Variants in TSPAN5 observed in about 807,000 individuals in gnomAD.
TSPAN5 encodes the protein tetraspanin 5.
A neutral mutation model predicts 37.1 loss-of-function variants in TSPAN5; 10 were observed. The observed-to-expected ratio is 0.27, with a 90% confidence interval of 0.17 to 0.46. TSPAN5 has a LOEUF of 0.46. TSPAN5 is among the 20% of genes least tolerant of loss of function. TSPAN5 has a pLI of 1.00. For synonymous variants in TSPAN5, 110 were observed against 118.9 expected, an observed-to-expected ratio of 0.93 and a Z score of 0.48; for missense variants, 195 against 326.6, an observed-to-expected ratio of 0.60 and a Z score of 3.11.
At chr4:98,633,551 T>A (rs1756792269) in intron 1 of TSPAN5, among the ~76,000 whole-genome samples, 2 of 152,218 alleles carry the variant, frequency 1.3e-5, no homozygotes, top group Non-Finnish European at 2.9e-5. Flanking sequence ...CCCCTATTTA[T>A]TTCATCACTT....
intron 1 of TSPAN5, among the ~76,000 whole-genome samples, chr4:98,613,647 C>T (rs73832363): frequency 0.015 from 2,321 of 151,974 alleles, 46 homozygotes; most frequent in African/African-American, 0.054. Context: ...CCATAAAATT[C>T]TCTAGTCCCT....
intron 1 of TSPAN5, among the ~76,000 whole-genome samples, chr4:98,562,863 A>G (rs1027294534): frequency 6.6e-6 from 1 of 151,972 alleles, no homozygotes; most frequent in Non-Finnish European, 1.5e-5. Context: ...AATTTTGCAT[A>G]TGTTACACTT....
At chr4:98,568,630 T>TA (rs1257837466) in intron 1 of TSPAN5, among the ~76,000 whole-genome samples, 9 of 152,074 alleles carry the variant, frequency 5.9e-5, no homozygotes, top group African/African-American at 2.2e-4. Context: ...CAAAGAAATT[T>TA]AGACTCCCAC....
At chr4:98,534,589 T>C (rs1754189733) in intron 1 of TSPAN5, among the ~76,000 whole-genome samples, 1 of 152,176 alleles carries the variant, frequency 6.6e-6, no homozygotes, top group Non-Finnish European at 1.5e-5. Flanking sequence ...TTCTGTCTCA[T>C]TGATCTGTCT....
chr4:98,621,442 A>C (rs1446970675), intron 1 of TSPAN5, among the ~76,000 whole-genome samples: 3 of 136,980 alleles, frequency 2.2e-5, no homozygotes, highest in Non-Finnish European at 4.5e-5. Flanking sequence ...ATCTCTGCTT[A>C]CTGCAAGCTC....
intron 1 of TSPAN5, among the ~76,000 whole-genome samples, chr4:98,609,388 C>G (rs186020181): frequency 6.6e-6 from 1 of 152,094 alleles, no homozygotes; most frequent in Non-Finnish European, 1.5e-5. Flanking sequence ...GGGCAGTGCT[C>G]GGAATGCTGG....
intron 1 of TSPAN5, among the ~76,000 whole-genome samples, chr4:98,521,138 G>A (rs1411052954): frequency 6.6e-6 from 1 of 152,180 alleles, no homozygotes. Context: ...CACCATGTTG[G>A]TCAGGCGGGT....
At chr4:98,622,100 G>C (rs1579037411) in intron 1 of TSPAN5, among the ~76,000 whole-genome samples, 1 of 152,164 alleles carries the variant, frequency 6.6e-6, no homozygotes, top group Non-Finnish European at 1.5e-5. Context: ...CTTTTTTTGA[G>C]ACAGAGTCTC....
rs1188845050 is a variant in TSPAN5 at position 98,611,366 on chromosome 4, T to C, written c.81+46780A>G. On this transcript the variant is annotated intron_variant, in intron 1 of 7. Transcript: ENST00000305798. ...TTTTATTAATACTAAGAATCAACTA[T>C]TAAAGCACAAATGCATTGAAATGTG... Among the ~76,000 whole-genome samples, 6 of 152,158 alleles carry C rather than the reference T, an allele frequency of 3.9e-5. No individual in the cohort carries two copies. The South Asian group carries it at 6.2e-4, about 16-fold the overall frequency.
chr4:98,580,145 T>C (rs955051190), intron 1 of TSPAN5, among the ~76,000 whole-genome samples: 1 of 152,168 alleles, frequency 6.6e-6, no homozygotes, highest in Non-Finnish European at 1.5e-5. Flanking sequence ...TTATCTTCTT[T>C]AAGCAAAATA....
intron 1 of TSPAN5, among the ~76,000 whole-genome samples, chr4:98,617,179 G>A (rs1338027576): frequency 6.6e-6 from 1 of 151,924 alleles, no homozygotes; most frequent in Non-Finnish European, 1.5e-5. Context: ...TAATATTTGT[G>A]GGACTCACTA....
intron 1 of TSPAN5, among the ~76,000 whole-genome samples, chr4:98,646,164 G>A (rs1224794340): frequency 6.6e-6 from 1 of 152,102 alleles, no homozygotes; most frequent in Non-Finnish European, 1.5e-5. Flanking sequence ...AGAAGCCAGT[G>A]AGTCTCTCAT....
intron 1 of TSPAN5, among the ~76,000 whole-genome samples, chr4:98,573,956 G>A (rs1244245366): frequency 1.3e-5 from 2 of 152,070 alleles, no homozygotes; most frequent in Non-Finnish European, 2.9e-5. Flanking sequence ...CTTCCCTGAG[G>A]GCATTACAAA....
chr4:98,601,775 C>T (rs1011535698), intron 1 of TSPAN5, among the ~76,000 whole-genome samples: 1 of 152,172 alleles, frequency 6.6e-6, no homozygotes, highest in Non-Finnish European at 1.5e-5. Context: ...TGGTTTGGCC[C>T]AAGTTTTTTG....
rs536706883 is a variant in TSPAN5 at position 98,474,644 on chromosome 4, G to A, written c.741+1545C>T. On this transcript the variant is annotated intron_variant, in intron 7 of 7. Coordinates refer to ENST00000305798, the MANE Select transcript of TSPAN5 (RefSeq NM_005723.4). ...ATTACAGGCATGAGCCACTGCACCC[G>A]GCCTTATTTCTTCTTTTTAATCATA... Among the ~76,000 whole-genome samples the A allele has an allele frequency of 1.0e-3, 152 of 151,636 alleles. 1 individual carries two copies. The South Asian group carries it at 0.03, about 30-fold the overall frequency.
At chr4:98,611,912 G>T (rs542969731) in intron 1 of TSPAN5, among the ~76,000 whole-genome samples, 36 of 152,376 alleles carry the variant, frequency 2.4e-4, no homozygotes, top group Non-Finnish European at 4.9e-4. Flanking sequence ...CTGCATTTCA[G>T]TGGATTCCAC....
chr4:98,654,402 G>C (rs928049231), intron 1 of TSPAN5, among the ~76,000 whole-genome samples: 7 of 152,192 alleles, frequency 4.6e-5, no homozygotes, highest in Non-Finnish European at 4.4e-5. Flanking sequence ...ATCTATTAAT[G>C]ATGAGTGATG....
intron 1 of TSPAN5, among the ~76,000 whole-genome samples, chr4:98,554,888 G>A (rs960430252): frequency 1.3e-5 from 2 of 152,168 alleles, no homozygotes; most frequent in Admixed American, 1.3e-4. Context: ...ATTTACCAAA[G>A]AATTCCATGT....
At chr4:98,554,905 C>A (rs994718378) in intron 1 of TSPAN5, among the ~76,000 whole-genome samples, 2 of 152,160 alleles carry the variant, frequency 1.3e-5, no homozygotes, top group Non-Finnish European at 2.9e-5. Context: ...ATGTATAATA[C>A]ATGTTCAAGG....
Sources: allele counts gnomAD v4.1 joint callset (sites outside exome capture counted in the v4.1 genomes callset), GRCh38; gene constraint gnomAD v4.1.1; transcripts MANE v1.5; gene names NCBI Gene and HGNC (gene_info 2026-07-23, HGNC 2026-07-21).